The following CLCN5 variants were observed in gnomAD, a reference collection of about 807,000 sequenced individuals.
The protein encoded by CLCN5 is H(+)/Cl(-) exchange transporter 5.
Under a neutral mutation model 54.0 loss-of-function variants are expected in CLCN5, and 17 were observed. The ratio of observed to expected loss-of-function variants is 0.31; its 90% CI spans 0.22 to 0.47. CLCN5 has a LOEUF of 0.47. Among genes scored for constraint, CLCN5 ranks in the 20% least tolerant of loss-of-function variants. The pLI, the probability that CLCN5 is intolerant of heterozygous loss-of-function variation, is 1.00. For synonymous variants in CLCN5, 222 were observed against 233.0 expected (o/e 0.95, Z 0.43); for missense variants, 448 against 646.7 (o/e 0.69, Z 3.33).
At position 50,044,260 on chromosome X, in the gene CLCN5, G is replaced by A. The variant is rs782144334; in HGVS notation, c.163+1798G>A. ...GTTCTATAGCTTTTATAGGAATTTA[G>A]CAGAATAAGCATTTCATGTGTGGGT... On this transcript the variant is annotated intron_variant, in intron 4 of 14. Coordinates refer to ENST00000376091, the MANE Select transcript of CLCN5 (RefSeq NM_001127898.4). Among the ~76,000 whole-genome samples the A allele has an allele frequency of 6.3e-5, 7 of 111,662 alleles. No homozygotes were observed. In the South Asian group the frequency reaches 2.6e-3, roughly 42 times the overall value.
chrX:49,977,318 G>C (rs1456501538), intron 3 of CLCN5, among the ~76,000 whole-genome samples: 2 of 111,611 alleles, frequency 1.8e-5, no homozygotes, highest in Non-Finnish European at 3.8e-5. Flanking sequence ...ATTGTGCATA[G>C]GGGACTTTTT....
chrX:50,036,760 A>G (rs1037686183), intron 3 of CLCN5, among the ~76,000 whole-genome samples: 1 of 112,001 alleles, frequency 8.9e-6, no homozygotes, highest in East Asian at 2.8e-4. Context: ...GAGAGAGGGA[A>G]AGGAATTCTG....
At chrX:50,087,707 C>T (rs1557194193) in intron 11 of CLCN5, among the ~76,000 whole-genome samples, 1 of 111,589 alleles carries the variant, frequency 9.0e-6, no homozygotes, top group African/African-American at 3.3e-5. Flanking sequence ...TCCATCCCCT[C>T]AATACAGGGA....
intron 6 of CLCN5, among the ~76,000 whole-genome samples, chrX:50,074,671 G>A (rs1188838934): frequency 8.9e-6 from 1 of 112,235 alleles, no homozygotes; most frequent in Non-Finnish European, 1.9e-5. Context: ...CCCGCCCGTT[G>A]GAATGTAGGC....
chrX:50,065,465 T>C (rs1410236766), intron 4 of CLCN5, among the ~76,000 whole-genome samples: 34 of 85,134 alleles, frequency 4.0e-4, no homozygotes, highest in African/African-American at 7.8e-4. Flanking sequence ...CTATGAGATA[T>C]CATCTCACAC....
At chrX:49,975,306 T>C in intron 3 of CLCN5, among the ~76,000 whole-genome samples, 1 of 111,725 alleles carries the variant, frequency 9.0e-6, no homozygotes, top group East Asian at 2.8e-4. Flanking sequence ...GGTCTGAGGC[T>C]AGTAGAAAGA....
chrX:50,030,317 G>C (rs1240513755), intron 3 of CLCN5, among the ~76,000 whole-genome samples: 1 of 111,230 alleles, frequency 9.0e-6, no homozygotes, highest in African/African-American at 3.3e-5. Flanking sequence ...CTGTGTTTCA[G>C]TATGTCTCCA....
intron 3 of CLCN5, among the ~76,000 whole-genome samples, chrX:50,039,988 C>T (rs1055887313): frequency 3.6e-5 from 4 of 112,039 alleles, no homozygotes; most frequent in Non-Finnish European, 5.6e-5. Context: ...CCACCATGCC[C>T]GGCTGATTTT....
At chrX:50,026,110 T>A (rs1931375566) in intron 3 of CLCN5, among the ~76,000 whole-genome samples, 1 of 112,149 alleles carries the variant, frequency 8.9e-6, no homozygotes, top group Admixed American at 9.5e-5. Flanking sequence ...AAATGTTTTT[T>A]AATTTTTCTT....
chrX:49,934,743 G>T (rs182679409), intron 3 of CLCN5, among the ~76,000 whole-genome samples: 6 of 112,143 alleles, frequency 5.4e-5, no homozygotes, highest in Middle Eastern at 4.6e-3. Context: ...AGGCATGTGA[G>T]ATACTAGACA....
At chrX:49,924,726 T>C (rs1925256115) in intron 2 of CLCN5, among the ~76,000 whole-genome samples, 1 of 111,927 alleles carries the variant, frequency 8.9e-6, no homozygotes, top group Non-Finnish European at 1.9e-5. Flanking sequence ...CGCTTCCTTT[T>C]TTTTCCCCTA....
chrX:49,993,366 G>A (rs1557179251), intron 3 of CLCN5, among the ~76,000 whole-genome samples: 1 of 112,035 alleles, frequency 8.9e-6, no homozygotes, highest in Non-Finnish European at 1.9e-5. Flanking sequence ...TTCTAAAATT[G>A]TGGACTTTTA....
intron 3 of CLCN5, among the ~76,000 whole-genome samples, chrX:49,953,375 A>C (rs1350793755): frequency 1.8e-5 from 2 of 111,856 alleles, no homozygotes; most frequent in Non-Finnish European, 3.8e-5. Context: ...GTGCGATCAC[A>C]GCTCATTGCA....
At chrX:50,041,169 T>G (rs782154788) in intron 3 of CLCN5, among the ~76,000 whole-genome samples, 6 of 112,176 alleles carry the variant, frequency 5.3e-5, no homozygotes, top group Non-Finnish European at 7.5e-5. Context: ...TTATCCTATT[T>G]GTTTTTTACC....
intron 7 of CLCN5, among the ~76,000 whole-genome samples, chrX:50,078,027 CA>C (rs782577595): frequency 7.5e-3 from 644 of 86,388 alleles, no homozygotes; most frequent in Middle Eastern, 0.012. Flanking sequence ...GACTCTATCT[CA>C]AAAAAAAAAA....
At chrX:50,013,478 A>G (rs781986489) in intron 3 of CLCN5, 1 of 236,705 alleles carries the variant, frequency 4.2e-6, no homozygotes, top group Non-Finnish European at 8.0e-6. Context: ...TTAGGTGCCT[A>G]GACTTCCCCA....
intron 4 of CLCN5, among the ~76,000 whole-genome samples, chrX:50,058,868 A>G (rs1267297604): frequency 1.8e-5 from 2 of 111,032 alleles, no homozygotes; most frequent in African/African-American, 3.3e-5. Context: ...AGACTCACCT[A>G]AGTACCCCAA....
intron 3 of CLCN5, among the ~76,000 whole-genome samples, chrX:49,959,069 G>A (rs1298755227): frequency 9.0e-6 from 1 of 110,687 alleles, no homozygotes; most frequent in Admixed American, 9.6e-5. Flanking sequence ...ATGGGGGATT[G>A]ATAATATTTT....
intron 3 of CLCN5, among the ~76,000 whole-genome samples, chrX:49,942,190 A>C (rs1926386490): frequency 1.2e-5 from 1 of 81,721 alleles, no homozygotes; most frequent in Non-Finnish European, 2.3e-5. Flanking sequence ...ATTAATCTGA[A>C]ATACTTGTTT....
Sources: allele counts gnomAD v4.1 joint callset (sites outside exome capture counted in the v4.1 genomes callset), GRCh38; gene constraint gnomAD v4.1.1; transcripts MANE v1.5; gene names NCBI Gene and HGNC (gene_info 2026-07-23, HGNC 2026-07-21).